ESRRG: variants seen among roughly 807,000 people sequenced by gnomAD.
The protein encoded by ESRRG is estrogen related receptor gamma.
ESRRG carries 13 observed loss-of-function variants against 44.0 expected under a neutral mutation model. That is an observed-to-expected ratio of 0.30 (90% CI 0.19 to 0.47). ESRRG has a LOEUF of 0.47. ESRRG is among the 20% of genes least tolerant of loss of function. The probability of loss-of-function intolerance (pLI) is 1.00; values close to 1 mark genes in which losing one functional copy is unlikely to be tolerated. For synonymous variants in ESRRG, 215 were observed against 214.6 expected (o/e 1.00, Z -0.02); for missense variants, 395 against 580.6 (o/e 0.68, Z 3.29).
chr1:216,756,087 G>T (rs2092426056), intron 2 of ESRRG, among the ~76,000 whole-genome samples: 1 of 151,974 alleles, frequency 6.6e-6, no homozygotes. Context: ...TCTTAAGGAA[G>T]CCTGTGTACT....
intron 2 of ESRRG, among the ~76,000 whole-genome samples, chr1:216,782,244 T>A (rs953936384): frequency 6.6e-6 from 1 of 152,044 alleles, no homozygotes; most frequent in South Asian, 2.1e-4. Flanking sequence ...TCCCTTTTCT[T>A]TTTGGTCCAG....
At chr1:216,626,914 G>C (rs71643415) in intron 3 of ESRRG, among the ~76,000 whole-genome samples, 1 of 152,156 alleles carries the variant, frequency 6.6e-6, no homozygotes, top group Admixed American at 6.5e-5. Context: ...TTATTCCATG[G>C]AGCTAAGGTT....
At chr1:216,669,102 T>TA (rs72240136) in intron 2 of ESRRG, among the ~76,000 whole-genome samples, 5,147 of 147,962 alleles carry the variant, frequency 0.035, 151 homozygotes, top group Non-Finnish European at 0.047. Flanking sequence ...TTAAACAGCT[T>TA]AAAAAAAAAA....
chr1:216,830,940 G>A (rs763576115), intron 2 of ESRRG, among the ~76,000 whole-genome samples: 22 of 152,012 alleles, frequency 1.4e-4, no homozygotes, highest in Admixed American at 8.5e-4. Context: ...AAGCCTGGGC[G>A]TGCTCTCACC....
chr1:216,699,864 G>A (rs775856527), intron 1 of ESRRG, among the ~76,000 whole-genome samples: 4 of 152,214 alleles, frequency 2.6e-5, no homozygotes, highest in Non-Finnish European at 5.9e-5. Context: ...GAGTGATGCT[G>A]TAGAGCTTTA....
At chr1:216,927,292 A>G (rs945049534) in intron 2 of ESRRG, among the ~76,000 whole-genome samples, 4 of 152,162 alleles carry the variant, frequency 2.6e-5, no homozygotes, top group Non-Finnish European at 4.4e-5. Flanking sequence ...CTTTTTGCTT[A>G]GAAGGGACCT....
intron 1 of ESRRG, among the ~76,000 whole-genome samples, chr1:216,703,223 G>C (rs2081766855): frequency 6.6e-6 from 1 of 152,046 alleles, no homozygotes; most frequent in Non-Finnish European, 1.5e-5. Context: ...CCAAGCTTTT[G>C]GCTTTCCTGG....
intron 5 of ESRRG, among the ~76,000 whole-genome samples, chr1:216,536,519 C>T (rs1411871155): frequency 6.6e-6 from 1 of 152,066 alleles, no homozygotes. Context: ...AAGTCAATAG[C>T]CTCCCAACTT....
chr1:216,750,663 T>C (rs949313562), intron 2 of ESRRG, among the ~76,000 whole-genome samples: 1 of 152,110 alleles, frequency 6.6e-6, no homozygotes, highest in South Asian at 2.1e-4. Context: ...GGCATGTATT[T>C]ATCAAATGTC....
rs1436230357 is a variant in ESRRG at position 216,506,084 on chromosome 1, C to T, written c.*855G>A. 6.6e-6 allele frequency: 1 copy of T among 152,554 alleles called. No homozygotes were observed. Among genetic ancestry groups the T allele is most frequent in the Non-Finnish European group, 1.5e-5 (1 of 68,078 alleles). 9.5% of individuals were successfully genotyped at this position (152,554 alleles called of 1,614,324 possible). ...TACATAGTAGCTAAACTAACAAATA[C>T]CTGGAAGACTTGAAAAAACAATTAA... On this transcript the variant is annotated 3_prime_UTR_variant, in exon 7 of 7. Coordinates refer to ENST00000408911, the MANE Select transcript of ESRRG (RefSeq NM_001438.4).
chr1:216,672,011 A>AAAAAG (rs200690883), intron 2 of ESRRG, among the ~76,000 whole-genome samples: 3 of 150,808 alleles, frequency 2.0e-5, no homozygotes, highest in East Asian at 3.9e-4. Context: ...GTTCCCAAAA[A>AAAAAG]AAAAGAAAAG....
chr1:216,946,461 G>A (rs928432150), intron 1 of ESRRG, among the ~76,000 whole-genome samples: 1 of 152,162 alleles, frequency 6.6e-6, no homozygotes, highest in Non-Finnish European at 1.5e-5. Flanking sequence ...CCATGATTCA[G>A]GAACACCACA....
intron 2 of ESRRG, among the ~76,000 whole-genome samples, chr1:216,819,162 A>C (rs2095231890): frequency 6.6e-6 from 1 of 152,148 alleles, no homozygotes; most frequent in Non-Finnish European, 1.5e-5. Context: ...GAATTGTCAC[A>C]CTGTCTTCCA....
At chr1:216,602,496 T>C (rs1252760670) in intron 3 of ESRRG, among the ~76,000 whole-genome samples, 4 of 152,214 alleles carry the variant, frequency 2.6e-5, no homozygotes, top group African/African-American at 9.6e-5. Context: ...CAGGTGCTAA[T>C]AGAATTTTTC....
chr1:216,818,791 G>A (rs2095221411), intron 2 of ESRRG, among the ~76,000 whole-genome samples: 1 of 152,006 alleles, frequency 6.6e-6, no homozygotes, highest in Admixed American at 6.6e-5. Context: ...GCAGCCCCCA[G>A]TGTGTGTTGT....
intron 1 of ESRRG, among the ~76,000 whole-genome samples, chr1:216,694,780 C>A (rs553002236): frequency 6.6e-6 from 1 of 152,150 alleles, no homozygotes; most frequent in Non-Finnish European, 1.5e-5. Context: ...TGGTCCTGAA[C>A]TCCTGGACTC....
At chr1:216,923,404 C>G (rs1360013306) in intron 2 of ESRRG, among the ~76,000 whole-genome samples, 1 of 152,142 alleles carries the variant, frequency 6.6e-6, no homozygotes, top group Non-Finnish European at 1.5e-5. Flanking sequence ...AAAACAAACA[C>G]AGAGACTGTG....
At chr1:217,119,155 T>C (rs1339947746) in intron 1 of ESRRG, among the ~76,000 whole-genome samples, 1 of 152,220 alleles carries the variant, frequency 6.6e-6, no homozygotes, top group East Asian at 1.9e-4. Context: ...CAATTTGGGT[T>C]AATGCAATTA....
chr1:216,709,320 T>C (rs749436163), intron 1 of ESRRG, among the ~76,000 whole-genome samples: 1 of 122,392 alleles, frequency 8.2e-6, no homozygotes, highest in Admixed American at 1.0e-4. Context: ...TGTACAGATA[T>C]ATATGTGTAT....
Sources: allele counts gnomAD v4.1 joint callset (sites outside exome capture counted in the v4.1 genomes callset), GRCh38; gene constraint gnomAD v4.1.1; transcripts MANE v1.5; gene names NCBI Gene and HGNC (gene_info 2026-07-23, HGNC 2026-07-21).